The following UTRN variants were observed in gnomAD, a reference collection of about 807,000 sequenced individuals.
UTRN encodes dystrophin-related protein 1.
Under a neutral mutation model 463.9 loss-of-function variants are expected in UTRN, and 283 were observed. The observed-to-expected ratio is 0.61, with a 90% CI of 0.55 to 0.67. The LOEUF is 0.67. UTRN is among the 30% of genes least tolerant of loss of function. The pLI is 0.00. For synonymous variants in UTRN, 1,442 were observed against 1,431.5 expected (o/e 1.01, Z -0.17); for missense variants, 3,922 against 4,084.3 (o/e 0.96, Z 1.08).
chr6:144,471,382 A>G (rs537738177), intron 23 of UTRN, among the ~76,000 whole-genome samples: 1 of 152,342 alleles, frequency 6.6e-6, no homozygotes, highest in Admixed American at 6.5e-5. Context: ...TGAGGAGACT[A>G]TCAGTTTTCC....
At chr6:144,421,768 A>T in intron 3 of UTRN, 110 bp from the exon 4 acceptor site, 1 of 617,538 alleles carries the variant, frequency 1.6e-6, no homozygotes. Flanking sequence ...CAGATCATCC[A>T]CAACATTTTA....
intron 41 of UTRN, among the ~76,000 whole-genome samples, chr6:144,526,574 T>C (rs1430698138): frequency 6.6e-6 from 1 of 152,126 alleles, no homozygotes; most frequent in South Asian, 2.1e-4. Flanking sequence ...TGTGAGTTTT[T>C]ATGTGTCGGG....
chr6:144,393,839 G>T (rs945323267), intron 2 of UTRN, among the ~76,000 whole-genome samples: 15 of 152,134 alleles, frequency 9.9e-5, no homozygotes, highest in African/African-American at 3.4e-4. Flanking sequence ...GTTCATTGTG[G>T]CCCTTAAGGT....
chr6:144,301,479 T>C (rs1203374491), intron 2 of UTRN, among the ~76,000 whole-genome samples: 6 of 151,624 alleles, frequency 4.0e-5, no homozygotes, highest in African/African-American at 1.2e-4. Flanking sequence ...TCTCTCTGCA[T>C]ATATGTCTAA....
chr6:144,660,823 G>A (rs1161933490), intron 51 of UTRN, among the ~76,000 whole-genome samples: 1 of 152,186 alleles, frequency 6.6e-6, no homozygotes, highest in African/African-American at 2.4e-5. Flanking sequence ...TTTTAAACAT[G>A]GAGTGCTTGC....
chr6:144,584,481 A>T (rs942025235), intron 51 of UTRN, among the ~76,000 whole-genome samples: 1 of 152,068 alleles, frequency 6.6e-6, no homozygotes, highest in African/African-American at 2.4e-5. Context: ...TAGCTGCCCA[A>T]ACTCATTTGT....
Position 144,461,212 on chromosome 6 carries a change from C to A in UTRN, c.2723C>A (p.Pro908His). The change falls in exon 22 of 75, where the codon CCT becomes CAT. Residue 908 changes from proline (P) to histidine (H), a missense_variant. Around this residue, in one of 3 missense-constraint regions of UTRN, gnomAD observed 2,349 missense variants for 2,303.8 expected, o/e 1.02. Coordinates refer to ENST00000367545, the MANE Select transcript of UTRN (RefSeq NM_007124.3). ...AAATAAACAGAACTGAAGGGCCAAC[C>A]TGGACATGCATATCTGGAAACATTG... The part of the protein sequence containing the change: ...QHLENELKGQ[P>H]GHAYLETLKT... 1.3e-6 allele frequency: 2 copies of A among 1,586,838 alleles called. No homozygotes were observed. Among genetic ancestry groups the A allele is most frequent in the Non-Finnish European group, 1.7e-6 (2 of 1,166,564 alleles).
chr6:144,415,226 G>A (rs999178023), intron 3 of UTRN, among the ~76,000 whole-genome samples: 1 of 152,162 alleles, frequency 6.6e-6, no homozygotes, highest in Non-Finnish European at 1.5e-5. Flanking sequence ...TTTGCACAAT[G>A]ATGAAATCAC....
intron 65 of UTRN, among the ~76,000 whole-genome samples, chr6:144,820,501 A>G (rs1779512612): frequency 7.4e-6 from 1 of 134,506 alleles, no homozygotes; most frequent in Non-Finnish European, 1.6e-5. Flanking sequence ...TAAAACCACA[A>G]TACTCTGTCA....
intron 54 of UTRN, among the ~76,000 whole-genome samples, chr6:144,742,146 T>C (rs911168630): frequency 1.3e-5 from 2 of 152,196 alleles, no homozygotes; most frequent in African/African-American, 2.4e-5. Context: ...ATCTATGCCA[T>C]CTTTATCATA....
chr6:144,406,814 A>G (rs1462619876), intron 3 of UTRN, among the ~76,000 whole-genome samples: 1 of 152,106 alleles, frequency 6.6e-6, no homozygotes. Flanking sequence ...AATTTTTGGT[A>G]TATAGTGTGA....
intron 52 of UTRN, among the ~76,000 whole-genome samples, chr6:144,694,264 T>C (rs1048227156): frequency 1.3e-5 from 2 of 151,726 alleles, no homozygotes; most frequent in African/African-American, 4.8e-5. Flanking sequence ...ATTAGCTTTT[T>C]CATGTGCTGC....
Position 144,788,149 on chromosome 6 carries a change from GCATTGTGTAAAACTATGTTC to G in UTRN, c.8835-1044_8835-1025del, listed in dbSNP as rs1776444537. On this transcript the variant is annotated intron_variant, in intron 61 of 74. Coordinates refer to ENST00000367545, the MANE Select transcript of UTRN (RefSeq NM_007124.3). Reference sequence around the variant, plus strand: ...GTGAAATAGAAATGATCTATCCTTAGCATTGTGTAAAACTATGTTCTAATGTTGATTAATTAATACATTCT... The same window carrying G: ...GTGAAATAGAAATGATCTATCCTTAGTAATGTTGATTAATTAATACATTCT... Among the ~76,000 whole-genome samples the G allele has an allele frequency of 3.3e-5, 5 of 152,068 alleles. No individual in the cohort carries two copies. The South Asian group carries it at 1.0e-3, about 31-fold the overall frequency.
chr6:144,566,927 G>A (rs1425082928), intron 50 of UTRN, among the ~76,000 whole-genome samples: 7 of 152,042 alleles, frequency 4.6e-5, no homozygotes, highest in Admixed American at 6.6e-5. Context: ...CAGGTGAATC[G>A]CTTGAGTCCA....
intron 41 of UTRN, among the ~76,000 whole-genome samples, chr6:144,527,977 C>G (rs975200281): frequency 1.3e-5 from 2 of 149,658 alleles, no homozygotes; most frequent in East Asian, 3.9e-4. Context: ...AATTCTTTTT[C>G]TGGCAATTCA....
At chr6:144,420,449 G>A (rs1784734309) in intron 3 of UTRN, among the ~76,000 whole-genome samples, 1 of 152,146 alleles carries the variant, frequency 6.6e-6, no homozygotes, top group Non-Finnish European at 1.5e-5. Flanking sequence ...TTTCTATGCG[G>A]TGATCACCCC....
intron 46 of UTRN, among the ~76,000 whole-genome samples, chr6:144,545,071 C>T (rs778893129): frequency 2.0e-5 from 3 of 152,134 alleles, no homozygotes; most frequent in Non-Finnish European, 2.9e-5. Context: ...TCACCCAGTC[C>T]TTAGGCCAAT....
At chr6:144,642,083 G>T (rs1288463101) in intron 51 of UTRN, among the ~76,000 whole-genome samples, 1 of 152,136 alleles carries the variant, frequency 6.6e-6, no homozygotes, top group Non-Finnish European at 1.5e-5. Context: ...CTTAATTACT[G>T]TCTGTGTTTG....
chr6:144,539,745 TAAA>T (rs1562544969), intron 45 of UTRN, among the ~76,000 whole-genome samples: 1 of 152,048 alleles, frequency 6.6e-6, no homozygotes, highest in East Asian at 1.9e-4. Context: ...ATGAAGACCT[TAAA>T]ATAGCATTCT....
Sources: allele counts gnomAD v4.1 joint callset (sites outside exome capture counted in the v4.1 genomes callset), GRCh38; gene constraint gnomAD v4.1.1; regional missense constraint gnomAD v4.1.1; transcripts MANE v1.5; gene names NCBI Gene and HGNC (gene_info 2026-07-23, HGNC 2026-07-21).